SPRED2: variants seen among roughly 807,000 people sequenced by gnomAD.
The protein encoded by SPRED2 is sprouty-related, EVH1 domain-containing protein 2.
Under a neutral mutation model 43.0 loss-of-function variants are expected in SPRED2, and 47 were observed. That is an observed-to-expected ratio of 1.09 (90% confidence interval 0.87 to 1.40). The LOEUF is 1.40. Ranked by LOEUF, SPRED2 falls within the 40% of genes most tolerant of loss-of-function variation. The pLI, the probability that SPRED2 is intolerant of heterozygous loss-of-function variation, is 0.00. For synonymous variants in SPRED2, 225 were observed against 225.7 expected, an observed-to-expected ratio of 1.00 and a Z score of 0.03; for missense variants, 561 against 586.4, an observed-to-expected ratio of 0.96 and a Z score of 0.45.
At chr2:65,363,530 A>G (rs1376524838) in intron 1 of SPRED2, among the ~76,000 whole-genome samples, 1 of 152,182 alleles carries the variant, frequency 6.6e-6, no homozygotes, top group African/African-American at 2.4e-5. Context: ...ATGATATAAG[A>G]TTTACCTACA....
chr2:65,320,721 C>T lies in SPRED2; in HGVS notation c.439-3838G>A, dbSNP rs893467885. ...AAGCCAAGGCTATTTCAGATGGATACTAACAGATGATTCTTACAAAGCAGC... is the reference window on the plus strand; with the variant it reads ...AAGCCAAGGCTATTTCAGATGGATATTAACAGATGATTCTTACAAAGCAGC... On this transcript the variant is annotated intron_variant, in intron 4 of 5. Transcript: ENST00000356388. Among the ~76,000 whole-genome samples, 5 of 152,154 alleles carry T rather than the reference C, an allele frequency of 3.3e-5. No homozygotes were observed. The East Asian group carries it at 9.6e-4, about 29-fold the overall frequency.
intron 1 of SPRED2, among the ~76,000 whole-genome samples, chr2:65,376,855 C>G (rs1333190492): frequency 6.6e-6 from 1 of 152,138 alleles, no homozygotes; most frequent in Non-Finnish European, 1.5e-5. Context: ...GCTGGGACTA[C>G]AGACGCCCGC....
chr2:65,329,583 T>C (rs1005498630), intron 4 of SPRED2, among the ~76,000 whole-genome samples: 2 of 152,194 alleles, frequency 1.3e-5, no homozygotes, highest in Non-Finnish European at 2.9e-5. Flanking sequence ...GAGTAGCACA[T>C]GGATCCCCCG....
intron 3 of SPRED2, 160 bp from the exon 4 acceptor site, chr2:65,332,211 C>T (rs1380278921): frequency 2.0e-6 from 1 of 493,196 alleles, no homozygotes; most frequent in Non-Finnish European, 3.7e-6. Context: ...TTAATTTACT[C>T]TTCTTTAATT....
intron 1 of SPRED2, 46 bp downstream of exon 1, chr2:65,431,916 G>T: frequency 6.6e-7 from 1 of 1,516,162 alleles, no homozygotes; most frequent in East Asian, 2.3e-5. Context: ...CGGCCCCCAC[G>T]CTGCCCCTGA....
At position 65,312,010 on chromosome 2, in the gene SPRED2, C is replaced by A; in HGVS notation, c.*1491G>T. On this transcript the variant is annotated 3_prime_UTR_variant, in exon 6 of 6. Transcript: ENST00000356388. ...CGTGGCGGGAAGAACAGCCGGCGTC[C>A]GCAAGCCTGTCCCCGGTGGTCTCCA... The A allele has an allele frequency of 1.0e-6, 1 of 985,230 alleles. No homozygotes were observed. Among genetic ancestry groups the A allele is most frequent in the Non-Finnish European group, 1.2e-6 (1 of 829,840 alleles). The allele number at this position is 985,230 out of a possible 1,614,324, so 61.0% of individuals were successfully genotyped here. A position where few individuals can be genotyped will look rare whatever the true frequency, so the allele number is the denominator to read the frequency against.
Position 65,331,947 on chromosome 2 carries a change from C to T in SPRED2, c.438+40G>A, listed in dbSNP as rs532993004. 5.6e-5 allele frequency: 85 copies of T among 1,506,426 alleles called. No individual in the cohort carries two copies. In the South Asian group the frequency reaches 9.3e-4, roughly 16 times the overall value. The allele number at this position is 1,506,426 out of a possible 1,614,324, so 93.3% of individuals were successfully genotyped here. ...TAAACAAAACCTTTCTCTGATTATTCAACAACTAATCTGGAAAGCAAAGGA... is the reference window on the plus strand; with the variant it reads ...TAAACAAAACCTTTCTCTGATTATTTAACAACTAATCTGGAAAGCAAAGGA... On this transcript the variant is annotated intron_variant, in intron 4 of 5. Transcript: ENST00000356388.
chr2:65,354,728 C>G (rs541348287), intron 1 of SPRED2, among the ~76,000 whole-genome samples: 16 of 151,962 alleles, frequency 1.1e-4, no homozygotes, highest in African/African-American at 3.9e-4. Flanking sequence ...TACAAGATGA[C>G]AGACCACGTG....
chr2:65,397,394 G>GTTT (rs1266324496), intron 1 of SPRED2, among the ~76,000 whole-genome samples: 1 of 152,086 alleles, frequency 6.6e-6, no homozygotes, highest in African/African-American at 2.4e-5. Context: ...AACCAGAATG[G>GTTT]GTTGTGGCTT....
At chr2:65,405,473 G>A (rs1676000687) in intron 1 of SPRED2, among the ~76,000 whole-genome samples, 1 of 152,046 alleles carries the variant, frequency 6.6e-6, no homozygotes, top group Non-Finnish European at 1.5e-5. Flanking sequence ...ACATGTTTAA[G>A]GCTGAGTCTT....
intron 2 of SPRED2, among the ~76,000 whole-genome samples, chr2:65,340,130 T>C (rs1256244096): frequency 6.6e-6 from 1 of 152,226 alleles, no homozygotes; most frequent in Admixed American, 6.5e-5. Context: ...TTAACAATAC[T>C]GTTTAATTAA....
chr2:65,325,841 G>A (rs914092764), intron 4 of SPRED2, among the ~76,000 whole-genome samples: 1 of 152,160 alleles, frequency 6.6e-6, no homozygotes, highest in African/African-American at 2.4e-5. Context: ...AAATTATCTG[G>A]GTGTGGTGGC....
intron 1 of SPRED2, among the ~76,000 whole-genome samples, chr2:65,388,632 C>T (rs1205532834): frequency 1.3e-5 from 2 of 152,058 alleles, no homozygotes; most frequent in Non-Finnish European, 2.9e-5. Context: ...CCCTCAGTCC[C>T]CTCCAGTGAT....
intron 1 of SPRED2, among the ~76,000 whole-genome samples, chr2:65,360,750 T>C (rs1674791415): frequency 6.6e-6 from 1 of 152,208 alleles, no homozygotes; most frequent in Non-Finnish European, 1.5e-5. Context: ...AGATCTATTA[T>C]ACAAACTTGG....
intron 3 of SPRED2, chr2:65,332,392 G>T (rs370428136): frequency 5.4e-6 from 1 of 186,086 alleles, no homozygotes; most frequent in Non-Finnish European, 1.1e-5. Flanking sequence ...CCCAGCCTCT[G>T]TAGTGACCTT....
chr2:65,346,678 C>T (rs1674359922), intron 1 of SPRED2, among the ~76,000 whole-genome samples: 1 of 152,168 alleles, frequency 6.6e-6, no homozygotes, highest in South Asian at 2.1e-4. Flanking sequence ...CCCAGGGCTG[C>T]TTTCTATCTC....
At chr2:65,388,997 G>C (rs1026347694) in intron 1 of SPRED2, among the ~76,000 whole-genome samples, 1 of 152,302 alleles carries the variant, frequency 6.6e-6, no homozygotes, top group South Asian at 2.1e-4. Flanking sequence ...GTGGGGGTCA[G>C]GACAGAGATT....
chr2:65,332,882 T>G (rs984896330), intron 3 of SPRED2, among the ~76,000 whole-genome samples: 1 of 152,230 alleles, frequency 6.6e-6, no homozygotes. Flanking sequence ...AAGACATATT[T>G]AAAATTGCAT....
chr2:65,344,924 G>A (rs777195543), intron 1 of SPRED2, 28 bp from the exon 2 acceptor site: 2 of 1,600,908 alleles, frequency 1.2e-6, no homozygotes, highest in South Asian at 1.1e-5. Context: ...AGAAGCACAG[G>A]GCATGACAAT....
Sources: gnomAD v4.1 joint callset for allele counts (sites outside exome capture counted in the v4.1 genomes callset) on GRCh38, gnomAD v4.1.1 for gene constraint, MANE v1.5 for transcripts, NCBI Gene and HGNC (gene_info 2026-07-23, HGNC 2026-07-21) for gene names.